The following PLD5 variants were observed in gnomAD, a reference collection of about 807,000 sequenced individuals.
PLD5 encodes phospholipase D family member 5.
In PLD5, 36 loss-of-function variants were observed where a neutral mutation model predicts 61.1. That is an observed-to-expected ratio of 0.59 (90% CI 0.45 to 0.78). The LOEUF (loss-of-function observed/expected upper bound fraction) is 0.78. Ranked by LOEUF, PLD5 falls within the 30% of genes least tolerant of loss-of-function variation. The pLI is 0.00. For missense variants in PLD5, 515 were observed against 644.4 expected (o/e 0.80, Z 2.17); for synonymous variants, 243 against 242.8 (o/e 1.00, Z -0.01).
intron 2 of PLD5, among the ~76,000 whole-genome samples, chr1:242,327,742 T>G (rs1658887399): frequency 6.6e-6 from 1 of 152,198 alleles, no homozygotes; most frequent in Admixed American, 6.5e-5. Context: ...AAAATGTAAA[T>G]TATTTTATCC....
At chr1:242,525,267 G>A (rs1331855442), upstream of PLD5, among the ~76,000 whole-genome samples, 2 of 152,202 alleles carry the variant, frequency 1.3e-5, no homozygotes, top group African/African-American at 2.4e-5. Flanking sequence ...CAGGCACGCG[G>A]GACCGGTTGC....
At chr1:242,416,608 C>T (rs1199287277) in intron 1 of PLD5, among the ~76,000 whole-genome samples, 1 of 152,140 alleles carries the variant, frequency 6.6e-6, no homozygotes, top group Admixed American at 6.5e-5. Flanking sequence ...TATTTGAAGT[C>T]GTTACCTCAC....
intron 1 of PLD5, among the ~76,000 whole-genome samples, chr1:242,470,304 T>A (rs1056092620): frequency 6.8e-6 from 1 of 147,742 alleles, no homozygotes; most frequent in African/African-American, 2.5e-5. Context: ...ATCGCACCAC[T>A]GCACTCCAGC....
rs1445162701 is a variant in PLD5, at chr1:242,337,500, G to A, written c.326+10606C>T. 2.6e-5 allele frequency among the ~76,000 whole-genome samples: 4 copies of A among 152,156 alleles called. No homozygotes were observed. In the South Asian group the frequency reaches 6.2e-4, roughly 24 times the overall value. On this transcript the variant is annotated intron_variant, in intron 2 of 9. Coordinates refer to ENST00000536534, the MANE Select transcript of PLD5 (RefSeq NM_001372062.1). ...ACAAAAATTAGCTGGGTATGGTGGT[G>A]GGTGCCTGTAATCCCAGATACTCAG...
At chr1:242,381,810 C>G (rs1465472386) in intron 1 of PLD5, among the ~76,000 whole-genome samples, 1 of 152,118 alleles carries the variant, frequency 6.6e-6, no homozygotes, top group Non-Finnish European at 1.5e-5. Context: ...GTGCCTCCAA[C>G]AAGTGTTAGG....
At chr1:242,330,974 C>T (rs1208888259) in intron 2 of PLD5, among the ~76,000 whole-genome samples, 1 of 152,176 alleles carries the variant, frequency 6.6e-6, no homozygotes, top group Non-Finnish European at 1.5e-5. Flanking sequence ...CCAGTTTCCC[C>T]TTCTTACCCC....
At chr1:242,526,525 T>A (rs1020776687), upstream of PLD5, among the ~76,000 whole-genome samples, 3 of 152,150 alleles carry the variant, frequency 2.0e-5, no homozygotes, top group Non-Finnish European at 4.4e-5. Context: ...AACCTCCGCC[T>A]CCCGGGTTCA....
chr1:242,236,182 A>G (rs1033907017), intron 4 of PLD5, among the ~76,000 whole-genome samples: 1 of 152,200 alleles, frequency 6.6e-6, no homozygotes, highest in African/African-American at 2.4e-5. Flanking sequence ...TTCACCAGAC[A>G]TGGAATCTGC....
chr1:242,303,803 A>G (rs2149164187), intron 2 of PLD5, among the ~76,000 whole-genome samples: 1 of 152,256 alleles, frequency 6.6e-6, no homozygotes, highest in Non-Finnish European at 1.5e-5. Context: ...AAGCAATTAA[A>G]CTCTGCTCTA....
At chr1:242,353,023 A>G (rs1660561607) in intron 1 of PLD5, among the ~76,000 whole-genome samples, 1 of 152,114 alleles carries the variant, frequency 6.6e-6, no homozygotes. Context: ...TGTTTTAAAT[A>G]AGCTTTTTAT....
intron 1 of PLD5, among the ~76,000 whole-genome samples, chr1:242,362,481 T>G (rs1661123285): frequency 6.6e-6 from 1 of 152,204 alleles, no homozygotes; most frequent in Non-Finnish European, 1.5e-5. Context: ...GTGTAGAAAC[T>G]AAGGTTGAAC....
At position 242,481,666 on chromosome 1, in the gene PLD5, G is replaced by A. The variant is rs190075976; in HGVS notation, c.189+42422C>T. The stretch of plus-strand genomic sequence containing the variant: ...TAGCCAAACAAAAGGCAGCAGAAAC[G>A]TCTGCAGACTTAAATGTCCCTGTTT... On this transcript the variant is annotated intron_variant, in intron 1 of 9. Coordinates refer to ENST00000536534, the MANE Select transcript of PLD5 (RefSeq NM_001372062.1). 1.3e-4 allele frequency among the ~76,000 whole-genome samples: 20 copies of A among 152,284 alleles called. 1 individual carries two copies. The highest frequency in any genetic ancestry group is 4.6e-4 in the African/African-American group (19 of 41,558).
At chr1:242,376,736 C>T (rs1661981233) in intron 1 of PLD5, among the ~76,000 whole-genome samples, 1 of 152,054 alleles carries the variant, frequency 6.6e-6, no homozygotes, top group Non-Finnish European at 1.5e-5. Context: ...CTTTTAAACG[C>T]AAATACTGTT....
At chr1:242,327,089 T>C (rs1658841141) in intron 2 of PLD5, among the ~76,000 whole-genome samples, 1 of 151,774 alleles carries the variant, frequency 6.6e-6, no homozygotes, top group African/African-American at 2.4e-5. Context: ...ATGGTCTCGA[T>C]CTCCTGACCT....
intron 5 of PLD5, among the ~76,000 whole-genome samples, chr1:242,207,037 C>A (rs1219664867): frequency 6.6e-6 from 1 of 152,134 alleles, no homozygotes; most frequent in African/African-American, 2.4e-5. Flanking sequence ...CTTTGGGAAA[C>A]CCCACTCTTG....
intron 5 of PLD5, among the ~76,000 whole-genome samples, chr1:242,163,127 C>T (rs898447686): frequency 8.6e-6 from 1 of 116,350 alleles, no homozygotes; most frequent in Admixed American, 8.3e-5. Flanking sequence ...TCCCTCAAGT[C>T]TTTTATTTTC....
In PLD5 at chr1:242,326,143, G is replaced by A. The variant is rs936407032; in HGVS notation, c.326+21963C>T. ...CCTCCCCCCTCCCTCCCAAAGTGCT[G>A]TGATACAGGTGTGAACCCATGTGCC... On this transcript the variant is annotated intron_variant, in intron 2 of 9. Transcript: ENST00000536534. 3.0e-3 allele frequency among the ~76,000 whole-genome samples: 89 copies of A among 29,456 alleles called. 4 individuals are homozygous for A. The highest frequency in any genetic ancestry group is 9.4e-4 in the Non-Finnish European group (11 of 11,684). 19.3% of individuals were successfully genotyped at this position (29,456 alleles called of 152,430 possible).
chr1:242,285,441 T>G (rs1230796619), intron 3 of PLD5, among the ~76,000 whole-genome samples: 1 of 152,062 alleles, frequency 6.6e-6, no homozygotes, highest in Admixed American at 6.5e-5. Flanking sequence ...GAGGTTGCAG[T>G]GAGCCAAGAT....
intron 2 of PLD5, among the ~76,000 whole-genome samples, chr1:242,314,988 G>A (rs1440549638): frequency 6.6e-6 from 1 of 152,186 alleles, no homozygotes; most frequent in Non-Finnish European, 1.5e-5. Flanking sequence ...ACATAGAAGA[G>A]CTGTGCATTT....
Sources: gnomAD v4.1 joint callset for allele counts (sites outside exome capture counted in the v4.1 genomes callset) on GRCh38, gnomAD v4.1.1 for gene constraint, MANE v1.5 for transcripts, NCBI Gene and HGNC (gene_info 2026-07-23, HGNC 2026-07-21) for gene names.